ATP9B: variants seen among roughly 807,000 people sequenced by gnomAD.
ATP9B encodes probable phospholipid-transporting ATPase IIB.
A neutral mutation model predicts 146.1 loss-of-function variants in ATP9B; 110 were observed. The observed-to-expected ratio is 0.75, with a 90% CI of 0.65 to 0.88. The LOEUF (loss-of-function observed/expected upper bound fraction) is 0.88, where lower values mean the gene tolerates loss of function less well. Among genes scored for constraint, ATP9B ranks in the 40% least tolerant of loss-of-function variants. The pLI is 0.00. For missense variants in ATP9B, 1,499 were observed against 1,496.4 expected (o/e 1.00, Z -0.03); for synonymous variants, 604 against 569.7 (o/e 1.06, Z -0.86).
At chr18:79,371,004 T>C (rs776545544) in intron 26 of ATP9B, among the ~76,000 whole-genome samples, 3 of 152,224 alleles carry the variant, frequency 2.0e-5, no homozygotes, top group Non-Finnish European at 2.9e-5. Flanking sequence ...AGAAATGTCC[T>C]TGGGAAATAC....
chr18:79,181,054 G>T (rs981838247), intron 8 of ATP9B, among the ~76,000 whole-genome samples: 1 of 151,342 alleles, frequency 6.6e-6, no homozygotes, highest in African/African-American at 2.4e-5. Flanking sequence ...CAGATGATCC[G>T]CCCACCTTGG....
chr18:79,086,979 G>A (rs1165536532), intron 1 of ATP9B, among the ~76,000 whole-genome samples: 1 of 152,026 alleles, frequency 6.6e-6, no homozygotes, highest in Non-Finnish European at 1.5e-5. Flanking sequence ...AGTTCATTTT[G>A]TGCTGCTGTA....
intron 10 of ATP9B, among the ~76,000 whole-genome samples, chr18:79,208,182 T>C (rs1426462750): frequency 6.6e-6 from 1 of 152,152 alleles, no homozygotes; most frequent in African/African-American, 2.4e-5. Context: ...GAGCCGGAGC[T>C]TGCAGTGAAC....
At chr18:79,341,325 G>A (rs113739246) in intron 19 of ATP9B, among the ~76,000 whole-genome samples, 4 of 137,766 alleles carry the variant, frequency 2.9e-5, no homozygotes, top group Admixed American at 7.4e-5. Context: ...TGTGTGTAGC[G>A]TGACCTCGTC....
intron 12 of ATP9B, among the ~76,000 whole-genome samples, chr18:79,259,383 A>G (rs911710852): frequency 2.0e-5 from 3 of 152,210 alleles, no homozygotes; most frequent in African/African-American, 7.2e-5. Flanking sequence ...TGTAGTTGAT[A>G]ATGCAAAAAC....
intron 13 of ATP9B, among the ~76,000 whole-genome samples, chr18:79,285,845 G>A (rs1392646023): frequency 6.6e-6 from 1 of 152,052 alleles, no homozygotes; most frequent in Non-Finnish European, 1.5e-5. Flanking sequence ...TGGCTAGCCA[G>A]TTTTCCCAGC....
chr18:79,150,325 C>T (rs1439148740), intron 6 of ATP9B, among the ~76,000 whole-genome samples: 1 of 151,600 alleles, frequency 6.6e-6, no homozygotes, highest in Non-Finnish European at 1.5e-5. Flanking sequence ...AAAAAAAAAA[C>T]TGTAACTATC....
intron 13 of ATP9B, among the ~76,000 whole-genome samples, chr18:79,280,752 T>G (rs1391046342): frequency 6.6e-6 from 1 of 152,190 alleles, no homozygotes; most frequent in Non-Finnish European, 1.5e-5. Context: ...GAGTCAAATT[T>G]CAATAAATTT....
At chr18:79,286,531 G>A (rs772641312) in intron 13 of ATP9B, among the ~76,000 whole-genome samples, 150 of 152,130 alleles carry the variant, frequency 9.9e-4, no homozygotes, top group Non-Finnish European at 1.8e-3. Flanking sequence ...GAGACGATGG[G>A]GTTTTCTAGA....
intron 8 of ATP9B, among the ~76,000 whole-genome samples, chr18:79,192,476 C>T (rs535658076): frequency 6.6e-6 from 1 of 152,286 alleles, no homozygotes; most frequent in East Asian, 1.9e-4. Context: ...CGAGAAGAGG[C>T]ACTGGGGTGG....
At chr18:79,345,963 G>A (rs1408099746) in intron 23 of ATP9B, 124 bp downstream of exon 23, 33 of 1,064,792 alleles carry the variant, frequency 3.1e-5, no homozygotes, top group East Asian at 7.2e-5. Flanking sequence ...TGTGCTTAGC[G>A]TACGCTCGGT....
At chr18:79,132,497 C>T (rs72992304) in intron 5 of ATP9B, among the ~76,000 whole-genome samples, 1,588 of 152,276 alleles carry the variant, frequency 0.01, 24 homozygotes, top group Non-Finnish European at 0.014. Context: ...GGTGCTTGAA[C>T]CTAGATCATT....
chr18:79,369,666 C>G (rs954303824), intron 26 of ATP9B, among the ~76,000 whole-genome samples: 8 of 152,178 alleles, frequency 5.3e-5, no homozygotes, highest in African/African-American at 9.7e-5. Context: ...TGGTCCCATG[C>G]CACGGTGCCG....
chr18:79,376,645 C>T (rs1006051257), intron 29 of ATP9B, among the ~76,000 whole-genome samples: 25 of 151,758 alleles, frequency 1.6e-4, no homozygotes, highest in Non-Finnish European at 2.8e-4. Context: ...CCACCTCAGC[C>T]TCGCAAAGTG....
chr18:79,342,268 A>C lies in ATP9B; in HGVS notation c.2284A>C (p.Ile762Leu). ...LEMLRNAGIKIWMLTGDKLET... is the reference protein window; with the variant it reads ...LEMLRNAGIKLWMLTGDKLET... Reference sequence around the variant, plus strand: ...TTCACCAGTTTAAATTGTTCCCTAGATATGGATGCTAACAGGCGATAAACT... The same window carrying C: ...TTCACCAGTTTAAATTGTTCCCTAGCTATGGATGCTAACAGGCGATAAACT... Residue 762 changes from isoleucine (I) to leucine (L), a missense_variant and splice_region_variant, in exon 20 of 30, where the codon ATA (isoleucine) becomes CTA (leucine). Ile to Leu is a conservative substitution (Grantham distance 5). Transcript: ENST00000426216. 1 of 1,610,508 alleles carries C rather than the reference A, an allele frequency of 6.2e-7. No individual in the cohort carries two copies. Among genetic ancestry groups the C allele is most frequent in the African/African-American group, 1.3e-5 (1 of 74,992 alleles).
intron 21 of ATP9B, 112 bp from the exon 22 acceptor site, chr18:79,345,316 G>C: frequency 8.1e-7 from 1 of 1,227,728 alleles, no homozygotes; most frequent in Non-Finnish European, 1.1e-6. Context: ...AAAAGATTGA[G>C]AACTGTGGCG....
intron 15 of ATP9B, among the ~76,000 whole-genome samples, chr18:79,308,395 G>A (rs2096630943): frequency 6.6e-6 from 1 of 152,204 alleles, no homozygotes; most frequent in African/African-American, 2.4e-5. Context: ...CAGTCCAAAT[G>A]TCTATCAGCT....
At chr18:79,185,432 C>T (rs1412505047) in intron 8 of ATP9B, among the ~76,000 whole-genome samples, 4 of 152,180 alleles carry the variant, frequency 2.6e-5, no homozygotes, top group African/African-American at 7.2e-5. Context: ...TCGTACAATG[C>T]AACTTTAACA....
At chr18:79,196,669 C>A (rs1023667532) in intron 9 of ATP9B, among the ~76,000 whole-genome samples, 3 of 152,166 alleles carry the variant, frequency 2.0e-5, no homozygotes, top group Non-Finnish European at 4.4e-5. Flanking sequence ...AATTAGACAA[C>A]AGTTGATCAA....
Sources: gnomAD v4.1 joint callset for allele counts (sites outside exome capture counted in the v4.1 genomes callset) on GRCh38, gnomAD v4.1.1 for gene constraint, MANE v1.5 for transcripts, NCBI Gene and HGNC (gene_info 2026-07-23, HGNC 2026-07-21) for gene names.